WWC2: variants seen among roughly 807,000 people sequenced by gnomAD.
WWC2 encodes protein WWC2.
Under a neutral mutation model 138.5 loss-of-function variants are expected in WWC2, and 101 were observed. That is an observed-to-expected ratio of 0.73 (90% CI 0.62 to 0.86). The LOEUF is 0.86. WWC2 is among the 40% of genes least tolerant of loss of function. WWC2 has a pLI of 0.00. For missense variants in WWC2, 1,420 were observed against 1,419.4 expected (o/e 1.00, Z -0.01); for synonymous variants, 558 against 538.4 (o/e 1.04, Z -0.50).
chr4:183,250,088 A>G, intron 8 of WWC2, 95 bp downstream of exon 8: 1 of 1,135,254 alleles, frequency 8.8e-7, no homozygotes, highest in Admixed American at 2.2e-5. Context: ...GGCACTCCCC[A>G]TACATTCTTA....
At chr4:183,184,482 T>G (rs375804498) in intron 1 of WWC2, among the ~76,000 whole-genome samples, 2 of 152,206 alleles carry the variant, frequency 1.3e-5, no homozygotes, top group East Asian at 1.9e-4. Flanking sequence ...TTCACTTCCT[T>G]TAGAAGTAGA....
At chr4:183,207,610 G>T (rs1735482415) in intron 2 of WWC2, among the ~76,000 whole-genome samples, 1 of 152,168 alleles carries the variant, frequency 6.6e-6, no homozygotes, top group Non-Finnish European at 1.5e-5. Context: ...GTGAATGAAG[G>T]TGGGTTGGGT....
intron 16 of WWC2, among the ~76,000 whole-genome samples, chr4:183,279,064 A>C (rs937936281): frequency 4.2e-4 from 64 of 152,192 alleles, no homozygotes; most frequent in African/African-American, 1.4e-3. Context: ...GCCAGTTTTC[A>C]AAGGGAATGC....
At chr4:183,204,542 T>A (rs763045996) in intron 2 of WWC2, among the ~76,000 whole-genome samples, 4 of 152,196 alleles carry the variant, frequency 2.6e-5, no homozygotes, top group Non-Finnish European at 4.4e-5. Context: ...TATACCTCAT[T>A]TCTCTTTATC....
chr4:183,253,161 G>A (rs1293279007), intron 8 of WWC2, among the ~76,000 whole-genome samples: 35 of 152,136 alleles, frequency 2.3e-4, no homozygotes, highest in Admixed American at 2.3e-3. Flanking sequence ...TTACAGGCAT[G>A]AGCCACTGCA....
intron 1 of WWC2, among the ~76,000 whole-genome samples, chr4:183,115,224 T>C (rs915237794): frequency 2.0e-5 from 3 of 152,228 alleles, no homozygotes; most frequent in South Asian, 2.1e-4. Context: ...TTGTGGTGCA[T>C]AGTGTTCCAT....
Position 183,282,814 on chromosome 4 carries a change from A to G in WWC2, c.2791A>G (p.Ser931Gly). ...SCTEDLSSCT[S>G]VPEMNEDGNR... is the part of the protein sequence containing the mutation. ...TACAGAAGATTTAAGTTCATGCACTAGTGTGCCTGAGATGAATGAAGACGG... is the reference window on the plus strand; with the variant it reads ...TACAGAAGATTTAAGTTCATGCACTGGTGTGCCTGAGATGAATGAAGACGG... Residue 931 changes from serine to glycine, a missense_variant, in exon 18 of 23, where the codon AGT becomes GGT. Transcript: ENST00000403733. 1.9e-6 allele frequency: 3 copies of G among 1,589,220 alleles called. No homozygotes were observed. The highest frequency in any genetic ancestry group is 2.6e-6 in the Non-Finnish European group (3 of 1,167,220).
chr4:183,168,972 C>T (rs1245948730), intron 1 of WWC2, among the ~76,000 whole-genome samples: 2 of 152,094 alleles, frequency 1.3e-5, no homozygotes, highest in Non-Finnish European at 2.9e-5. Flanking sequence ...GCTCAGCCTC[C>T]CGAGTAGCTG....
Position 183,285,985 on chromosome 4 carries a change from G to C in WWC2, c.3067G>C (p.Asp1023His). Residue 1023 changes from aspartate (D) to histidine (H), a missense_variant, in exon 20 of 23, where the codon GAC (aspartate) becomes CAC (histidine). Transcript: ENST00000403733. ...TTGCCAGTTAAATCGGAGTGACAGT[G>C]ACAGTTCAACCCTGGCTAAAAAATC... ...YICRLNRSDSDSSTLAKKSLF... is the reference protein window; with the variant it reads ...YICRLNRSDSHSSTLAKKSLF... 6.3e-7 allele frequency: 1 copy of C among 1,592,710 alleles called. No homozygotes were observed.
intron 1 of WWC2, among the ~76,000 whole-genome samples, chr4:183,176,058 G>C (rs1401357918): frequency 6.6e-6 from 1 of 152,124 alleles, no homozygotes; most frequent in Non-Finnish European, 1.5e-5. Context: ...TATGAATAAG[G>C]GCTGATCTCT....
Position 183,167,352 on chromosome 4 carries a change from C to T in WWC2, c.132-26247C>T, listed in dbSNP as rs938807287. Reference sequence around the variant, plus strand: ...AATAAAGCCTTTTATACACATAGCTCGAATACATGCAGAAATGATAAGTGA... The same window carrying T: ...AATAAAGCCTTTTATACACATAGCTTGAATACATGCAGAAATGATAAGTGA... On this transcript the variant is annotated intron_variant, in intron 1 of 22. Coordinates refer to ENST00000403733, the MANE Select transcript of WWC2 (RefSeq NM_024949.6). 2.0e-5 allele frequency among the ~76,000 whole-genome samples: 3 copies of T among 152,052 alleles called. No homozygotes were observed. In the East Asian group the frequency reaches 5.8e-4, roughly 29 times the overall value.
At chr4:183,293,116 A>G (rs1738516077) in intron 21 of WWC2, among the ~76,000 whole-genome samples, 1 of 152,138 alleles carries the variant, frequency 6.6e-6, no homozygotes, top group East Asian at 1.9e-4. Flanking sequence ...CGCCACACTC[A>G]GCTAATTTTT....
intron 1 of WWC2, among the ~76,000 whole-genome samples, chr4:183,136,072 T>A (rs1158486892): frequency 1.3e-5 from 2 of 152,166 alleles, no homozygotes; most frequent in Admixed American, 6.5e-5. Flanking sequence ...CTTTGATGTG[T>A]GTAGGTATGG....
At chr4:183,157,202 A>G (rs961382524) in intron 1 of WWC2, among the ~76,000 whole-genome samples, 2 of 152,068 alleles carry the variant, frequency 1.3e-5, no homozygotes, top group African/African-American at 2.4e-5. Flanking sequence ...TTTATTTTTC[A>G]TAAATTTGAC....
intron 19 of WWC2, 128 bp downstream of exon 19, chr4:183,284,518 C>A: frequency 9.1e-7 from 1 of 1,100,232 alleles, no homozygotes; most frequent in Non-Finnish European, 1.3e-6. Context: ...GCTAGAAATG[C>A]TGTAAAACAG....
At chr4:183,145,252 C>G (rs143022067) in intron 1 of WWC2, among the ~76,000 whole-genome samples, 1 of 152,166 alleles carries the variant, frequency 6.6e-6, no homozygotes, top group African/African-American at 2.4e-5. Flanking sequence ...ATAACAACTG[C>G]CTCATAGTAA....
intron 1 of WWC2, among the ~76,000 whole-genome samples, chr4:183,100,691 A>G (rs949119143): frequency 2.0e-5 from 3 of 152,212 alleles, no homozygotes; most frequent in African/African-American, 7.2e-5. Context: ...TAACTACTTT[A>G]TAATCTCAGT....
At chr4:183,263,958 C>G (rs1737415549) in intron 11 of WWC2, among the ~76,000 whole-genome samples, 1 of 152,138 alleles carries the variant, frequency 6.6e-6, no homozygotes. Flanking sequence ...ATGACACCAA[C>G]CACGTTGGAA....
chr4:183,210,282 G>T (rs1735560846), intron 4 of WWC2, among the ~76,000 whole-genome samples: 1 of 152,082 alleles, frequency 6.6e-6, no homozygotes, highest in Non-Finnish European at 1.5e-5. Flanking sequence ...CGGGGGTGGG[G>T]CGGAGGTGAG....
Sources: allele counts gnomAD v4.1 joint callset (sites outside exome capture counted in the v4.1 genomes callset), GRCh38; gene constraint gnomAD v4.1.1; transcripts MANE v1.5; gene names NCBI Gene and HGNC (gene_info 2026-07-23, HGNC 2026-07-21).